Variants in TRIM2 observed in about 807,000 individuals in gnomAD.
The protein encoded by TRIM2 is tripartite motif containing 2, also known as tripartite motif-containing protein 2.
In TRIM2, 20 loss-of-function variants were observed where a neutral mutation model predicts 75.2. The ratio of observed to expected loss-of-function variants is 0.27; its 90% CI spans 0.19 to 0.39. TRIM2 has a LOEUF of 0.39. Among genes scored for constraint, TRIM2 ranks in the 10% least tolerant of loss-of-function variants. The pLI, the probability that TRIM2 is intolerant of heterozygous loss-of-function variation, is 1.00. For missense variants in TRIM2, 660 were observed against 990.8 expected, an observed-to-expected ratio of 0.67 and a Z score of 4.48; for synonymous variants, 373 against 388.3, an observed-to-expected ratio of 0.96 and a Z score of 0.46.
Position 153,186,052 on chromosome 4 carries a change from T to A in TRIM2, c.-49+32782T>A, listed in dbSNP as rs200097872. 2.6e-5 allele frequency among the ~76,000 whole-genome samples: 4 copies of A among 152,058 alleles called. No individual in the cohort carries two copies. The East Asian group carries it at 7.7e-4, about 29-fold the overall frequency. ...TAGAGACATTGTTGGTTCTCACAAC[T>A]AAGGTGGGGGAAATGCTACTGGTAT... On this transcript the variant is annotated intron_variant, in intron 1 of 11. Coordinates refer to the TRIM2 transcript ENST00000437508.
intron 1 of TRIM2, among the ~76,000 whole-genome samples, chr4:153,176,679 C>T (rs992205635): frequency 3.9e-5 from 6 of 152,008 alleles, no homozygotes; most frequent in Admixed American, 3.3e-4. Context: ...GGCACAATTT[C>T]GGCTCACCAC....
upstream of TRIM2, among the ~76,000 whole-genome samples, chr4:153,202,631 G>A (rs1347810325): frequency 8.6e-5 from 13 of 151,430 alleles, no homozygotes; most frequent in South Asian, 4.2e-4. Flanking sequence ...CCCGAGAGGC[G>A]GAGCTTGCAG....
intron 1 of TRIM2, among the ~76,000 whole-genome samples, chr4:153,190,675 CAG>C (rs1342453610): frequency 6.6e-6 from 1 of 152,168 alleles, no homozygotes. Context: ...TGACAAGACT[CAG>C]AGATGCATTT....
intron 1 of TRIM2, among the ~76,000 whole-genome samples, chr4:153,243,026 G>A (rs1038833932): frequency 2.6e-5 from 4 of 152,222 alleles, no homozygotes; most frequent in African/African-American, 9.7e-5. Flanking sequence ...AGGATTTCAT[G>A]GCTTTAAAAC....
chr4:153,199,310 A>G (rs752907753), intron 1 of TRIM2, among the ~76,000 whole-genome samples: 1 of 152,216 alleles, frequency 6.6e-6, no homozygotes, highest in Non-Finnish European at 1.5e-5. Context: ...GTTCAAATAT[A>G]GTCCTTCCCA....
At chr4:153,332,852 C>A (rs988629666) in intron 11 of TRIM2, among the ~76,000 whole-genome samples, 1 of 152,116 alleles carries the variant, frequency 6.6e-6, no homozygotes, top group African/African-American at 2.4e-5. Flanking sequence ...GAAACCAGAT[C>A]TCTCATGCAT....
intron 1 of TRIM2, among the ~76,000 whole-genome samples, chr4:153,234,393 C>T (rs1478998074): frequency 1.3e-5 from 2 of 152,118 alleles, no homozygotes; most frequent in Non-Finnish European, 2.9e-5. Flanking sequence ...TGAGTTGCAG[C>T]CAGTTTACTG....
intron 1 of TRIM2, among the ~76,000 whole-genome samples, chr4:153,185,438 T>C (rs1011728780): frequency 6.6e-6 from 1 of 152,154 alleles, no homozygotes; most frequent in Admixed American, 6.5e-5. Context: ...AGCAGAGGCT[T>C]GATCATACTC....
In TRIM2 at chr4:153,335,017, T is replaced by C; in HGVS notation, c.*51T>C. 6.7e-7 allele frequency: 1 copy of C among 1,503,388 alleles called. No individual in the cohort carries two copies. Among genetic ancestry groups the C allele is most frequent in the Non-Finnish European group, 9.0e-7 (1 of 1,113,274 alleles). 93.1% of individuals were successfully genotyped at this position (1,503,388 alleles called of 1,614,324 possible). ...CATGGTCTTGCACTATAAACTGGAATGGATTTCTCAATGCGGGACCAGATT... is the reference window on the plus strand; with the variant it reads ...CATGGTCTTGCACTATAAACTGGAACGGATTTCTCAATGCGGGACCAGATT... On this transcript the variant is annotated 3_prime_UTR_variant, in exon 12 of 12. Transcript: ENST00000338700.
intron 8 of TRIM2, among the ~76,000 whole-genome samples, chr4:153,321,522 C>T (rs529219362): frequency 6.6e-5 from 10 of 152,214 alleles, no homozygotes; most frequent in African/African-American, 2.2e-4. Context: ...AAATGCTTTT[C>T]CCCTATTTTA....
chr4:153,182,235 C>A (rs888350760), intron 1 of TRIM2, among the ~76,000 whole-genome samples: 1 of 152,196 alleles, frequency 6.6e-6, no homozygotes, highest in Non-Finnish European at 1.5e-5. Flanking sequence ...AAGGCTGTAG[C>A]CAGATACCAT....
chr4:153,265,949 C>A (rs959726528), intron 1 of TRIM2, among the ~76,000 whole-genome samples: 1 of 152,148 alleles, frequency 6.6e-6, no homozygotes, highest in Non-Finnish European at 1.5e-5. Context: ...CTCCCCTAGT[C>A]TGATGTCATA....
chr4:153,326,750 G>A (rs1422236114), intron 10 of TRIM2, among the ~76,000 whole-genome samples: 1 of 152,228 alleles, frequency 6.6e-6, no homozygotes, highest in Admixed American at 6.5e-5. Context: ...GGACGCCAAG[G>A]CGGACAGCTC....
intron 6 of TRIM2, among the ~76,000 whole-genome samples, chr4:153,302,020 TG>T (rs1764018106): frequency 6.6e-6 from 1 of 152,218 alleles, no homozygotes; most frequent in Non-Finnish European, 1.5e-5. Flanking sequence ...TGTGAAAAAA[TG>T]TCATTGATAT....
At position 153,295,501 on chromosome 4, in the gene TRIM2, G is replaced by A. The variant is rs1413732945; in HGVS notation, c.975G>A (p.Gln325=). 35 of 1,614,164 alleles carry A rather than the reference G, an allele frequency of 2.2e-5. No homozygotes were observed. The highest frequency in any genetic ancestry group is 3.0e-5 in the Non-Finnish European group (35 of 1,180,024). The change falls in exon 6 of 12, where the codon CAG becomes CAA. Residue 325 remains glutamine, a synonymous_variant. Transcript: ENST00000338700. The surrounding 1 kb of genome is among the most constrained non-coding windows in gnomAD (Gnocchi z 7.2). The part of the protein sequence containing the change: ...DFPLHPREND[Q]LDFIVETEGL... ...CCTTGCACCCGCGGGAGAACGACCA[G>A]CTGGATTTCATCGTGGAAACCGAGG...
chr4:153,279,228 A>G (rs1758688577), intron 3 of TRIM2, among the ~76,000 whole-genome samples: 1 of 152,196 alleles, frequency 6.6e-6, no homozygotes, highest in Non-Finnish European at 1.5e-5. Flanking sequence ...TCTTTGACTC[A>G]ACAATCTGCC....
At position 153,219,289 on chromosome 4, in the gene TRIM2, C is replaced by T. The variant is rs561305609; in HGVS notation, c.30+14729C>T. Among the ~76,000 whole-genome samples, 112 of 152,138 alleles carry T rather than the reference C, an allele frequency of 7.4e-4. 3 individuals are homozygous for T. The South Asian group carries it at 0.019, about 25-fold the overall frequency. ...GGAGTGGCAGTCATAAAGCCCGATC[C>T]GCCAGAAAAAAACCTACCAGGAAAT... On this transcript the variant is annotated intron_variant, in intron 1 of 11. Coordinates refer to ENST00000338700, the MANE Select transcript of TRIM2 (RefSeq NM_015271.5).
chr4:153,233,704 C>T (rs1046123049), intron 1 of TRIM2, among the ~76,000 whole-genome samples: 2 of 152,022 alleles, frequency 1.3e-5, no homozygotes, highest in African/African-American at 4.8e-5. Context: ...GAGAATGCTT[C>T]AATTTTGGTG....
intron 1 of TRIM2, among the ~76,000 whole-genome samples, chr4:153,220,641 A>AGT (rs1222854552): frequency 1.3e-5 from 2 of 152,254 alleles, no homozygotes; most frequent in African/African-American, 4.8e-5. Flanking sequence ...TACTGTTCAC[A>AGT]GTATATATAC....
Sources: gnomAD v4.1 joint callset for allele counts (sites outside exome capture counted in the v4.1 genomes callset) on GRCh38, gnomAD v4.1.1 for gene constraint, Gnocchi (gnomAD v3.1) non-coding constraint, MANE v1.5 for transcripts, NCBI Gene and HGNC (gene_info 2026-07-23, HGNC 2026-07-21) for gene names.